The following SLC45A4 variants were observed in gnomAD, a reference collection of about 807,000 sequenced individuals.
The protein encoded by SLC45A4 is polyamine-transporter SLC45A4.
A neutral mutation model predicts 63.7 loss-of-function variants in SLC45A4; 32 were observed. The ratio of observed to expected loss-of-function variants is 0.50; its 90% confidence interval spans 0.38 to 0.67. The LOEUF is 0.67. SLC45A4 is among the 30% of genes least tolerant of loss of function. The pLI is 0.00. For missense variants in SLC45A4, 1,027 were observed against 1,157.7 expected (o/e 0.89, Z 1.64); for synonymous variants, 535 against 510.0 (o/e 1.05, Z -0.66).
At chr8:141,271,104 G>C (rs1455526745) in intron 1 of SLC45A4, among the ~76,000 whole-genome samples, 4 of 152,232 alleles carry the variant, frequency 2.6e-5, no homozygotes, top group African/African-American at 9.6e-5. Flanking sequence ...TGATGAGCCA[G>C]AACGCTTGCC....
chr8:141,228,526 G>A lies in SLC45A4; in HGVS notation c.242-6761C>T, dbSNP rs73713386. On this transcript the variant is annotated intron_variant, in intron 2 of 8. Transcript: ENST00000517878. ...ACCTGTCTTCACTGGCCAGCTCCTCGGGCAGGCACTCCCCGCAGCTGGAGC... is the reference window on the plus strand; with the variant it reads ...ACCTGTCTTCACTGGCCAGCTCCTCAGGCAGGCACTCCCCGCAGCTGGAGC... The A allele has an allele frequency of 2.7e-3, 3,497 of 1,294,536 alleles. 62 individuals carry two copies. In the African/African-American group the frequency reaches 0.044, roughly 16 times the overall value. The allele number at this position is 1,294,536 out of a possible 1,614,324, so 80.2% of individuals were successfully genotyped here. A position where few individuals can be genotyped will look rare whatever the true frequency, so the allele number is the denominator to read the frequency against.
intron 1 of SLC45A4, among the ~76,000 whole-genome samples, chr8:141,296,515 A>AT (rs1487207610): frequency 7.8e-6 from 1 of 128,014 alleles, no homozygotes; most frequent in African/African-American, 2.9e-5. Context: ...AAAAAAAAAA[A>AT]AAAATTAAAA....
chr8:141,281,270 C>T (rs1589847936), intron 1 of SLC45A4, among the ~76,000 whole-genome samples: 2 of 152,270 alleles, frequency 1.3e-5, no homozygotes, highest in Non-Finnish European at 2.9e-5. Context: ...ACCCGGGAGG[C>T]GGAGGGTGCA....
intron 1 of SLC45A4, among the ~76,000 whole-genome samples, chr8:141,257,617 ATGTC>A (rs1828854280): frequency 6.6e-6 from 1 of 152,220 alleles, no homozygotes; most frequent in Non-Finnish European, 1.5e-5. Context: ...TAGGCAATAA[ATGTC>A]TGTAATAAGT....
In SLC45A4 at chr8:141,276,715, G is replaced by A. The variant is rs555842023; in HGVS notation, c.-400-22086C>T. ...TGAGCCTACCAGGAAGAAAGGAGTCGACTGCCCTTTTCCCTTCTTTCCAGG... is the reference window on the plus strand; with the variant it reads ...TGAGCCTACCAGGAAGAAAGGAGTCAACTGCCCTTTTCCCTTCTTTCCAGG... On this transcript the variant is annotated intron_variant, in intron 1 of 8. Coordinates refer to ENST00000517878, the MANE Select transcript of SLC45A4 (RefSeq NM_001286646.2). 5.6e-4 allele frequency among the ~76,000 whole-genome samples: 85 copies of A among 152,310 alleles called. 1 individual carries two copies. The South Asian group carries it at 0.017, about 31-fold the overall frequency.
intron 7 of SLC45A4, among the ~76,000 whole-genome samples, chr8:141,212,976 C>T (rs1372268025): frequency 6.6e-6 from 1 of 152,340 alleles, no homozygotes; most frequent in African/African-American, 2.4e-5. Flanking sequence ...TGGCCACGTG[C>T]AACAAAGGCT....
intron 2 of SLC45A4, among the ~76,000 whole-genome samples, chr8:141,246,040 C>T (rs997213508): frequency 3.9e-5 from 6 of 152,204 alleles, no homozygotes; most frequent in African/African-American, 1.4e-4. Flanking sequence ...AGAGAAAGGG[C>T]AGACTTGCTA....
intron 2 of SLC45A4, among the ~76,000 whole-genome samples, chr8:141,240,897 T>C (rs909056990): frequency 2.6e-5 from 4 of 152,210 alleles, no homozygotes; most frequent in African/African-American, 9.6e-5. Flanking sequence ...GACAAAGCCC[T>C]CCTCTCCCCT....
intron 1 of SLC45A4, among the ~76,000 whole-genome samples, chr8:141,303,308 T>TTG (rs1015799056): frequency 3.3e-5 from 5 of 150,550 alleles, no homozygotes; most frequent in African/African-American, 1.2e-4. Flanking sequence ...ATTTTTGTTT[T>TTG]TTTTTTTTTT....
At chr8:141,214,221 C>A (rs1412145916) in intron 7 of SLC45A4, among the ~76,000 whole-genome samples, 1 of 150,812 alleles carries the variant, frequency 6.6e-6, no homozygotes, top group East Asian at 1.9e-4. Context: ...CATCATACTT[C>A]CTAGTAAGAT....
intron 1 of SLC45A4, among the ~76,000 whole-genome samples, chr8:141,300,427 T>C (rs767925603): frequency 2.0e-5 from 3 of 152,228 alleles, no homozygotes; most frequent in Non-Finnish European, 4.4e-5. Flanking sequence ...AAATAGTAAA[T>C]CTTTCTACTT....
chr8:141,283,178 C>G (rs1830015588), intron 1 of SLC45A4, among the ~76,000 whole-genome samples: 1 of 152,260 alleles, frequency 6.6e-6, no homozygotes, highest in South Asian at 2.1e-4. Context: ...TGAGATTCCT[C>G]AAGTCCTGAG....
At chr8:141,258,893 T>TTAA (rs1554597243) in intron 1 of SLC45A4, among the ~76,000 whole-genome samples, 6 of 146,278 alleles carry the variant, frequency 4.1e-5, no homozygotes, top group South Asian at 2.2e-4. Flanking sequence ...CTCTTTTTTT[T>TTAA]AAAAAAAAAA....
In SLC45A4 at chr8:141,238,128, G is replaced by A. The variant is rs146828615; in HGVS notation, c.241+15861C>T. ...GGGCCACCTGTGCTGCTCCGTGGAC[G>A]CCTAGGACTCCTGGGCAGCAGACGC... On this transcript the variant is annotated intron_variant, in intron 2 of 8. Coordinates refer to ENST00000517878, the MANE Select transcript of SLC45A4 (RefSeq NM_001286646.2). Among the ~76,000 whole-genome samples the A allele has an allele frequency of 1.2e-4, 19 of 152,282 alleles. No individual in the cohort carries two copies. The East Asian group carries it at 3.3e-3, about 26-fold the overall frequency.
intron 1 of SLC45A4, among the ~76,000 whole-genome samples, chr8:141,284,548 C>T (rs1830071252): frequency 1.3e-5 from 2 of 152,232 alleles, no homozygotes; most frequent in Admixed American, 1.3e-4. Context: ...TTATTTGCCA[C>T]TCTGAAAAAT....
chr8:141,255,290 C>T (rs1222228402), intron 1 of SLC45A4, among the ~76,000 whole-genome samples: 2 of 152,068 alleles, frequency 1.3e-5, no homozygotes, highest in Non-Finnish European at 2.9e-5. Flanking sequence ...ATTGACCTGG[C>T]TGGTATCCAA....
chr8:141,271,003 G>C (rs1028872391), intron 1 of SLC45A4, among the ~76,000 whole-genome samples: 3 of 152,178 alleles, frequency 2.0e-5, no homozygotes, highest in Admixed American at 6.5e-5. Flanking sequence ...AGCGCCTTGG[G>C]TGCTAACGCC....
intron 1 of SLC45A4, among the ~76,000 whole-genome samples, chr8:141,261,382 G>A (rs1176519121): frequency 1.3e-5 from 2 of 152,064 alleles, no homozygotes; most frequent in African/African-American, 4.8e-5. Flanking sequence ...GGGCAATTAG[G>A]CAGAAGAAGG....
At position 141,218,316 on chromosome 8, in the gene SLC45A4, G is replaced by T; in HGVS notation, c.1324C>A (p.Arg442Ser). 1 of 1,606,866 alleles carries T rather than the reference G, an allele frequency of 6.2e-7. No individual in the cohort carries two copies. The part of the protein sequence containing the change: ...KLGSHCYRYR[R>S]ANAVVLIKPS... The stretch of plus-strand genomic sequence containing the variant: ...TTGATCAGCACCACGGCGTTGGCGC[G>T]CCGGTAGCGGTAGCAGTGGGACCCA... The change falls in exon 5 of 9, where the codon CGC becomes AGC. Residue 442 changes from arginine to serine, a missense_variant. Physicochemically the swap from Arg to Ser is moderately radical, Grantham distance 110 (BLOSUM62 -1). Coordinates refer to ENST00000517878, the MANE Select transcript of SLC45A4 (RefSeq NM_001286646.2).
Sources: gnomAD v4.1 joint callset for allele counts (sites outside exome capture counted in the v4.1 genomes callset) on GRCh38, gnomAD v4.1.1 for gene constraint, MANE v1.5 for transcripts, NCBI Gene and HGNC (gene_info 2026-07-23, HGNC 2026-07-21) for gene names.